Variants in LHX8 observed in about 807,000 individuals in gnomAD.
LHX8 encodes the protein LIM/homeobox protein Lhx8.
Under a neutral mutation model 40.3 loss-of-function variants are expected in LHX8, and 12 were observed. The ratio of observed to expected loss-of-function variants is 0.30; its 90% CI spans 0.19 to 0.48. LHX8 has a LOEUF of 0.48. Among genes scored for constraint, LHX8 ranks in the 20% least tolerant of loss-of-function variants. LHX8 has a pLI of 0.99. For missense variants in LHX8, 344 were observed against 433.7 expected (o/e 0.79, Z 1.84); for synonymous variants, 179 against 162.0 (o/e 1.10, Z -0.80).
intron 8 of LHX8, 123 bp from the exon 9 acceptor site, chr1:75,160,696 G>A (rs1408324833): frequency 1.3e-6 from 1 of 744,990 alleles, no homozygotes; most frequent in African/African-American, 1.7e-5. Context: ...TGGAATGAGT[G>A]TAGCTTGGTG....
chr1:75,169,535 C>T, the LHX8 span, among the ~76,000 whole-genome samples: 1 of 152,116 alleles, frequency 6.6e-6, no homozygotes, highest in African/African-American at 2.4e-5. Flanking sequence ...GGAAAAGGGG[C>T]TCTAGAGCTT....
At chr1:75,185,369 T>C in the LHX8 span, among the ~76,000 whole-genome samples, 4 of 151,856 alleles carry the variant, frequency 2.6e-5, no homozygotes, top group Non-Finnish European at 4.4e-5. Context: ...TACTGACAAA[T>C]GGAATCTAGC....
chr1:75,151,152 A>G (rs980265411), intron 7 of LHX8, among the ~76,000 whole-genome samples: 29 of 152,192 alleles, frequency 1.9e-4, no homozygotes, highest in Non-Finnish European at 1.3e-4. Context: ...CTGTAAGCCT[A>G]AAGGTTTCAT....
intron 8 of LHX8, chr1:75,160,287 A>G (rs571835142): frequency 6.5e-6 from 1 of 153,600 alleles, no homozygotes; most frequent in East Asian, 1.9e-4. Flanking sequence ...TGAAAGCAGA[A>G]ACTTCATTTT....
the LHX8 span, among the ~76,000 whole-genome samples, chr1:75,175,539 T>A: frequency 1.1e-4 from 16 of 152,358 alleles, no homozygotes; most frequent in South Asian, 1.9e-3. Context: ...GGAATTTGAT[T>A]TGCATTTCCC....
the LHX8 span, among the ~76,000 whole-genome samples, chr1:75,191,998 T>A: frequency 2.0e-5 from 3 of 152,136 alleles, no homozygotes; most frequent in African/African-American, 4.8e-5. Flanking sequence ...GAAAAAAAAA[T>A]GTTACATATT....
At chr1:75,147,423 TC>T (rs1279957200) in intron 6 of LHX8, among the ~76,000 whole-genome samples, 2 of 152,168 alleles carry the variant, frequency 1.3e-5, no homozygotes, top group African/African-American at 4.8e-5. Flanking sequence ...AATAAGACAT[TC>T]CCCTTGATCT....
At chr1:75,138,998 C>T (rs542794188) in intron 3 of LHX8, among the ~76,000 whole-genome samples, 2 of 151,688 alleles carry the variant, frequency 1.3e-5, no homozygotes, top group Non-Finnish European at 2.9e-5. Flanking sequence ...CTTTATTTTC[C>T]GTTTTGAGTA....
chr1:75,152,745 A>C (rs1648643027), intron 7 of LHX8, among the ~76,000 whole-genome samples: 1 of 152,224 alleles, frequency 6.6e-6, no homozygotes, highest in Non-Finnish European at 1.5e-5. Flanking sequence ...TTATTCTGCC[A>C]GGAGCTACGT....
At chr1:75,130,924 C>G (rs942336607), upstream of LHX8, 8 of 664,808 alleles carry the variant, frequency 1.2e-5, no homozygotes, top group African/African-American at 1.3e-4. Context: ...AGTCGCCAAC[C>G]AGAATTCTGC....
the LHX8 span, among the ~76,000 whole-genome samples, chr1:75,181,664 G>A: frequency 1.1e-4 from 17 of 152,124 alleles, no homozygotes; most frequent in South Asian, 4.1e-4. Context: ...TGAGTGAGGC[G>A]ATGCCCCGCC....
Position 75,137,105 on chromosome 1 carries a change from C to T in LHX8, c.81C>T (p.Ser27=), listed in dbSNP as rs369347146. 6 of 1,603,984 alleles carry T rather than the reference C, an allele frequency of 3.7e-6. No homozygotes were observed. Among genetic ancestry groups the T allele is most frequent in the East Asian group, 2.2e-5 (1 of 44,574 alleles). The change falls in exon 3 of 9, where the codon AGC becomes AGT. Residue 27 remains serine (S), a synonymous_variant. Transcript: ENST00000356261. ...RKGAGEEGLV[S]PEGAGDEDSC... Reference sequence around the variant, plus strand: ...CGCCTCGCGGTTTCCTGCAGGTGAGCCCCGAGGGAGCGGGGGACGAGGACT... The same window carrying T: ...CGCCTCGCGGTTTCCTGCAGGTGAGTCCCGAGGGAGCGGGGGACGAGGACT...
chr1:75,173,324 T>A, the LHX8 span, among the ~76,000 whole-genome samples: 1 of 150,716 alleles, frequency 6.6e-6, no homozygotes, highest in Non-Finnish European at 1.5e-5. Context: ...AGCTTGTAAA[T>A]GGCAGAGCCA....
chr1:75,177,608 T>C, the LHX8 span, among the ~76,000 whole-genome samples: 1 of 152,198 alleles, frequency 6.6e-6, no homozygotes, highest in Non-Finnish European at 1.5e-5. Flanking sequence ...TATACGATCA[T>C]GTCATCGGCA....
At chr1:75,198,298 C>G in the LHX8 span, among the ~76,000 whole-genome samples, 3 of 152,164 alleles carry the variant, frequency 2.0e-5, no homozygotes, top group African/African-American at 7.2e-5. Flanking sequence ...CCTTCACTAG[C>G]TTCTCAGAGA....
chr1:75,196,641 C>T, the LHX8 span, among the ~76,000 whole-genome samples: 1 of 152,156 alleles, frequency 6.6e-6, no homozygotes, highest in African/African-American at 2.4e-5. Flanking sequence ...TAGATCAGCT[C>T]CTATTTCTGT....
chr1:75,156,032 G>A lies in LHX8; in HGVS notation c.781-861G>A, dbSNP rs1405633809. 2.0e-5 allele frequency among the ~76,000 whole-genome samples: 3 copies of A among 149,576 alleles called. No individual in the cohort carries two copies. The South Asian group carries it at 6.3e-4, about 32-fold the overall frequency. On this transcript the variant is annotated intron_variant, in intron 7 of 8. Transcript: ENST00000356261. Reference sequence around the variant, plus strand: ...TTTTTTTTAAGTTCTGATTAAAAGAGCTTTTTCTGCTTTTCCTTTTGTCCT... The same window carrying A: ...TTTTTTTTAAGTTCTGATTAAAAGAACTTTTTCTGCTTTTCCTTTTGTCCT...
At position 75,160,946 on chromosome 1, in the gene LHX8, A is replaced by G. The variant is rs41301265; in HGVS notation, c.*51A>G. 20,977 of 1,266,962 alleles carry G rather than the reference A, an allele frequency of 0.017. 220 individuals are homozygous for G. The highest frequency in any genetic ancestry group is 0.028 in the Middle Eastern group (150 of 5,344). The allele number at this position is 1,266,962 out of a possible 1,614,324, so 78.5% of individuals were successfully genotyped here. A position where few individuals can be genotyped will look rare whatever the true frequency, so the allele number is the denominator to read the frequency against. ...TAAGGATATAAATTTGTCATTTATT[A>G]TGTATAAAATACCATTGAAAAGATA... On this transcript the variant is annotated 3_prime_UTR_variant, in exon 9 of 9. Coordinates refer to ENST00000356261, the MANE Select transcript of LHX8 (RefSeq NM_001256114.2).
At chr1:75,129,249 C>A (rs928058981) in intron 1 of LHX8, among the ~76,000 whole-genome samples, 13 of 151,988 alleles carry the variant, frequency 8.6e-5, no homozygotes, top group Non-Finnish European at 1.6e-4. Context: ...TAACACGTTG[C>A]CTACCTCTTA....
Sources: allele counts gnomAD v4.1 joint callset (sites outside exome capture counted in the v4.1 genomes callset), GRCh38; gene constraint gnomAD v4.1.1; transcripts MANE v1.5; gene names NCBI Gene and HGNC (gene_info 2026-07-23, HGNC 2026-07-21).